IKZF4: variants seen among roughly 807,000 people sequenced by gnomAD.
IKZF4 encodes zinc finger protein Eos.
IKZF4 carries 11 observed loss-of-function variants against 47.7 expected under a neutral mutation model. The ratio of observed to expected loss-of-function variants is 0.23; its 90% confidence interval spans 0.15 to 0.38. The LOEUF is 0.38. Among genes scored for constraint, IKZF4 ranks in the 10% least tolerant of loss-of-function variants. The pLI is 1.00. For synonymous variants in IKZF4, 298 were observed against 299.4 expected (o/e 1.00, Z 0.05); for missense variants, 557 against 784.9 (o/e 0.71, Z 3.47).
chr12:56,013,793 G>A (rs1361791381), intron 2 of IKZF4, among the ~76,000 whole-genome samples: 1 of 152,172 alleles, frequency 6.6e-6, no homozygotes, highest in Non-Finnish European at 1.5e-5. Flanking sequence ...CAGAAAACCA[G>A]GACTGAGAAC....
At chr12:56,025,023 C>G (rs968582275) in intron 2 of IKZF4, 31 bp from the exon 3 acceptor site, 1 of 1,558,932 alleles carries the variant, frequency 6.4e-7, no homozygotes, top group Admixed American at 1.9e-5. Context: ...CCAGCTCCAG[C>G]TTTACCTGCC....
At chr12:56,031,768 G>A (rs71459333) in intron 5 of IKZF4, among the ~76,000 whole-genome samples, 30 of 151,892 alleles carry the variant, frequency 2.0e-4, no homozygotes, top group Admixed American at 2.0e-3. Flanking sequence ...TTCTTTCTTC[G>A]GTAGAAACAA....
chr12:56,015,233 C>T lies in IKZF4; in HGVS notation c.-213-2893C>T, dbSNP rs561508903. Among the ~76,000 whole-genome samples, 320 of 152,148 alleles carry T rather than the reference C, an allele frequency of 2.1e-3. 6 individuals carry two copies. Among genetic ancestry groups the T allele is most frequent in the South Asian group, 6.2e-4 (3 of 4,814 alleles). Reference sequence around the variant, plus strand: ...CTGGGATTACGGGCGCACCCCACCACGCCCGGCTAATTTTTGTATTTTTAG... The same window carrying T: ...CTGGGATTACGGGCGCACCCCACCATGCCCGGCTAATTTTTGTATTTTTAG... On this transcript the variant is annotated intron_variant, in intron 2 of 11. Coordinates refer to the IKZF4 transcript ENST00000262032.
chr12:56,009,153 C>T (rs1027905748), intron 1 of IKZF4, among the ~76,000 whole-genome samples: 5 of 152,104 alleles, frequency 3.3e-5, no homozygotes, highest in African/African-American at 1.2e-4. Flanking sequence ...CTGACATGCT[C>T]ACATGTCAGC....
At chr12:56,020,996 T>C, upstream of IKZF4, 1 of 1,027,984 alleles carries the variant, frequency 9.7e-7, no homozygotes, top group South Asian at 3.9e-5. Flanking sequence ...CCCCCCTTTC[T>C]CCCTCCCACC....
At chr12:56,029,173 A>T (rs1894526486) in intron 5 of IKZF4, among the ~76,000 whole-genome samples, 1 of 152,212 alleles carries the variant, frequency 6.6e-6, no homozygotes, top group Non-Finnish European at 1.5e-5. Flanking sequence ...TCCCTATCCC[A>T]AGAGGTTGTC....
At chr12:56,008,230 G>A (rs999264557) in intron 1 of IKZF4, among the ~76,000 whole-genome samples, 4 of 152,198 alleles carry the variant, frequency 2.6e-5, no homozygotes, top group Non-Finnish European at 5.9e-5. Flanking sequence ...ATGTAGAGAA[G>A]AAACTTAGGA....
intron 5 of IKZF4, among the ~76,000 whole-genome samples, chr12:56,028,641 G>T (rs1159574307): frequency 6.6e-6 from 1 of 151,368 alleles, no homozygotes; most frequent in Non-Finnish European, 1.5e-5. Flanking sequence ...GGAGTGTAGT[G>T]GTGCAATTTT....
In IKZF4 at chr12:56,033,096, G is replaced by A. The variant is rs181268488; in HGVS notation, c.866-94G>A. On this transcript the variant is annotated intron_variant, in intron 6 of 7. Coordinates refer to ENST00000547167, the MANE Select transcript of IKZF4 (RefSeq NM_022465.4). ...CAGGCAACTGGTATGTCCTTCCTTGGCTACTGACCTGCTGGTTTTCTCCAG... is the reference window on the plus strand; with the variant it reads ...CAGGCAACTGGTATGTCCTTCCTTGACTACTGACCTGCTGGTTTTCTCCAG... 26 of 1,476,348 alleles carry A rather than the reference G, an allele frequency of 1.8e-5. No homozygotes were observed. The African/African-American group carries it at 3.3e-4, about 19-fold the overall frequency. 91.5% of individuals were successfully genotyped at this position (1,476,348 alleles called of 1,614,324 possible).
intron 2 of IKZF4, 52 bp from the exon 3 acceptor site, chr12:56,025,002 A>G (rs1893713591): frequency 6.4e-7 from 1 of 1,552,638 alleles, no homozygotes; most frequent in South Asian, 1.2e-5. Flanking sequence ...GGCAATGGAC[A>G]GTAGATATCT....
chr12:56,025,187 C>T, intron 3 of IKZF4, 29 bp downstream of exon 3: 8 of 1,511,434 alleles, frequency 5.3e-6, no homozygotes, highest in Non-Finnish European at 7.1e-6. Context: ...CACCTCCTGG[C>T]AGTAGGCACC....
At chr12:56,032,295 C>A (rs1895023570) in intron 5 of IKZF4, 6 of 396,088 alleles carry the variant, frequency 1.5e-5, no homozygotes, top group Admixed American at 8.6e-5. Flanking sequence ...ACAATTTGGC[C>A]ATCTTGAACA....
chr12:56,011,718 A>C (rs1891343176), intron 2 of IKZF4: 1 of 152,242 alleles, frequency 6.6e-6, no homozygotes, highest in Non-Finnish European at 1.5e-5. Context: ...TGTAAAGACA[A>C]ACACATGAGC....
At chr12:56,021,018 C>A, upstream of IKZF4, 1 of 956,824 alleles carries the variant, frequency 1.0e-6, no homozygotes, top group Non-Finnish European at 1.3e-6. Flanking sequence ...GCAGGCCCAT[C>A]CATCTCTCTC....
chr12:56,025,016 G>A, intron 2 of IKZF4, 38 bp from the exon 3 acceptor site: 1 of 1,555,816 alleles, frequency 6.4e-7, no homozygotes, highest in Non-Finnish European at 8.7e-7. Flanking sequence ...GATATCTCCA[G>A]CTCCAGCTTT....
chr12:56,021,688 C>G lies in IKZF4; in HGVS notation c.87+108C>G, dbSNP rs1221558637. On this transcript the variant is annotated intron_variant, in intron 1 of 7. Coordinates refer to ENST00000547167, the MANE Select transcript of IKZF4 (RefSeq NM_022465.4). Reference sequence around the variant, plus strand: ...CCTGAGGAGATGGAGAGGATGGGGGCTGTGTGTGTGTGTGTGTGTGTGTGT... The same window carrying G: ...CCTGAGGAGATGGAGAGGATGGGGGGTGTGTGTGTGTGTGTGTGTGTGTGT... 156 of 658,706 alleles carry G rather than the reference C, an allele frequency of 2.4e-4. No individual in the cohort carries two copies. The highest frequency in any genetic ancestry group is 3.9e-4 in the Middle Eastern group (1 of 2,580). The allele number at this position is 658,706 out of a possible 1,614,324, so 40.8% of individuals were successfully genotyped here.
At chr12:56,010,958 T>G (rs1466141614) in intron 1 of IKZF4, among the ~76,000 whole-genome samples, 1 of 152,216 alleles carries the variant, frequency 6.6e-6, no homozygotes, top group Admixed American at 6.5e-5. Flanking sequence ...TTGATCAGCA[T>G]GTATTAGGGA....
upstream of IKZF4, among the ~76,000 whole-genome samples, chr12:56,018,496 C>G (rs1299585324): frequency 1.3e-5 from 2 of 152,106 alleles, no homozygotes; most frequent in African/African-American, 2.4e-5. Context: ...TCTGAAGTCA[C>G]CAGCCAAACA....
intron 3 of IKZF4, 90 bp downstream of exon 3, chr12:56,025,248 A>G (rs1893769117): frequency 3.7e-6 from 5 of 1,338,382 alleles, no homozygotes; most frequent in African/African-American, 1.5e-5. Flanking sequence ...CCATTTCCCC[A>G]TCGTCACCTC....
Sources: gnomAD v4.1 joint callset for allele counts (sites outside exome capture counted in the v4.1 genomes callset) on GRCh38, gnomAD v4.1.1 for gene constraint, MANE v1.5 for transcripts, NCBI Gene and HGNC (gene_info 2026-07-23, HGNC 2026-07-21) for gene names.